Variants in ATRNL1 observed in about 807,000 individuals in gnomAD.
The protein encoded by ATRNL1 is attractin-like protein 1.
ATRNL1 carries 95 observed loss-of-function variants against 182.7 expected under a neutral mutation model. The observed-to-expected ratio is 0.52, with a 90% CI of 0.44 to 0.62. The LOEUF (loss-of-function observed/expected upper bound fraction) is 0.62, where lower values mean the gene tolerates loss of function less well. ATRNL1 is among the 20% of genes least tolerant of loss of function. ATRNL1 has a pLI of 0.00. For missense variants in ATRNL1, 1,471 were observed against 1,679.5 expected (o/e 0.88, Z 2.17); for synonymous variants, 576 against 568.3 (o/e 1.01, Z -0.19).
At chr10:115,519,826 G>A (rs1238467858) in intron 25 of ATRNL1, among the ~76,000 whole-genome samples, 3 of 152,162 alleles carry the variant, frequency 2.0e-5, no homozygotes, top group African/African-American at 7.2e-5. Context: ...ACTTCTCAAA[G>A]CTTTTAAAAT....
chr10:115,695,858 T>A (rs544127903), intron 26 of ATRNL1, among the ~76,000 whole-genome samples: 1 of 152,242 alleles, frequency 6.6e-6, no homozygotes, highest in African/African-American at 2.4e-5. Context: ...CTTATTCTAT[T>A]TTTATGGCTG....
chr10:115,440,178 C>T (rs1554965452), intron 21 of ATRNL1, among the ~76,000 whole-genome samples: 1 of 151,748 alleles, frequency 6.6e-6, no homozygotes. Context: ...TGAGTGCATC[C>T]TTATTTTCTA....
At chr10:115,665,811 C>T (rs1383439782) in intron 26 of ATRNL1, among the ~76,000 whole-genome samples, 2 of 152,214 alleles carry the variant, frequency 1.3e-5, no homozygotes, top group African/African-American at 4.8e-5. Flanking sequence ...AGCAGCCTCA[C>T]CCTATGACTA....
At chr10:115,847,091 G>A (rs947100529) in intron 27 of ATRNL1, among the ~76,000 whole-genome samples, 6 of 151,990 alleles carry the variant, frequency 3.9e-5, no homozygotes, top group African/African-American at 1.4e-4. Flanking sequence ...TGATTAGTAA[G>A]TAGGTATTTC....
rs782580582 is a variant in ATRNL1, at chr10:115,160,212, A to G, written c.1002A>G (p.Leu334=). The change falls in exon 6 of 29, where the codon CTA becomes CTG. Residue 334 remains leucine, a splice_region_variant and synonymous_variant. Coordinates refer to ENST00000355044, the MANE Select transcript of ATRNL1 (RefSeq NM_207303.4). Reference sequence around the variant, plus strand: ...ACTACAGTTCTTTTCAAATGGTCCTAAAGTAAGTATTTATTTTCAGATTCT... The same window carrying G: ...ACTACAGTTCTTTTCAAATGGTCCTGAAGTAAGTATTTATTTTCAGATTCT... ...TFNYSSFQMV[L]NYNLESSIWN... 4 of 1,596,350 alleles carry G rather than the reference A, an allele frequency of 2.5e-6. No individual in the cohort carries two copies. Among genetic ancestry groups the G allele is most frequent in the Non-Finnish European group, 3.4e-6 (4 of 1,170,572 alleles).
chr10:115,381,461 G>T (rs1237855373), intron 19 of ATRNL1, among the ~76,000 whole-genome samples: 1 of 38,784 alleles, frequency 2.6e-5, no homozygotes, highest in African/African-American at 1.1e-4. Context: ...GTAGACATGG[G>T]GTTTCTTCAC....
intron 27 of ATRNL1, among the ~76,000 whole-genome samples, chr10:115,740,324 T>C (rs940916623): frequency 4.6e-5 from 7 of 151,262 alleles, no homozygotes; most frequent in Non-Finnish European, 8.8e-5. Flanking sequence ...TATGTCTTTT[T>C]AAATTTGCTT....
chr10:115,696,721 A>G (rs1331294920), intron 26 of ATRNL1, among the ~76,000 whole-genome samples: 2 of 152,058 alleles, frequency 1.3e-5, no homozygotes, highest in African/African-American at 4.8e-5. Flanking sequence ...CCATTTTCAC[A>G]CTGCTATAAA....
chr10:115,239,167 G>C (rs1165823903), intron 9 of ATRNL1, among the ~76,000 whole-genome samples: 4 of 149,218 alleles, frequency 2.7e-5, no homozygotes, highest in African/African-American at 1.0e-4. Context: ...TTTATTTACT[G>C]TCCACTAGAT....
At chr10:115,334,682 A>C (rs1050068049) in intron 19 of ATRNL1, among the ~76,000 whole-genome samples, 1 of 152,194 alleles carries the variant, frequency 6.6e-6, no homozygotes, top group Non-Finnish European at 1.5e-5. Context: ...TAAAAGAAAA[A>C]ACACCTACTA....
chr10:115,791,479 CA>C (rs1173914210), intron 27 of ATRNL1, among the ~76,000 whole-genome samples: 1 of 152,112 alleles, frequency 6.6e-6, no homozygotes, highest in African/African-American at 2.4e-5. Flanking sequence ...ACCACTGTTT[CA>C]ACTTTTATGA....
intron 24 of ATRNL1, among the ~76,000 whole-genome samples, chr10:115,497,245 A>C (rs573368870): frequency 1.3e-5 from 2 of 152,172 alleles, no homozygotes; most frequent in African/African-American, 4.8e-5. Flanking sequence ...CGGCCATTTT[A>C]TCTATCGGCT....
At chr10:115,740,801 C>T (rs1252350005) in intron 27 of ATRNL1, among the ~76,000 whole-genome samples, 8 of 151,350 alleles carry the variant, frequency 5.3e-5, no homozygotes, top group Non-Finnish European at 5.9e-5. Context: ...CCACCACACC[C>T]GGCCAATCCT....
At chr10:115,907,114 G>A (rs1952527749) in intron 28 of ATRNL1, among the ~76,000 whole-genome samples, 1 of 152,134 alleles carries the variant, frequency 6.6e-6, no homozygotes, top group African/African-American at 2.4e-5. Context: ...AAGTGACCTG[G>A]CCACAGTTAC....
chr10:115,252,519 A>G (rs1429414436), intron 10 of ATRNL1, among the ~76,000 whole-genome samples: 5 of 152,224 alleles, frequency 3.3e-5, no homozygotes, highest in Non-Finnish European at 7.3e-5. Flanking sequence ...AAGCAAAGGC[A>G]GAGTGCTATC....
At chr10:115,869,286 C>A (rs1951520420) in intron 28 of ATRNL1, among the ~76,000 whole-genome samples, 1 of 152,090 alleles carries the variant, frequency 6.6e-6, no homozygotes, top group Non-Finnish European at 1.5e-5. Flanking sequence ...AATTTAAGGC[C>A]TCATAGTGGG....
chr10:115,886,469 G>A (rs1254837236), intron 28 of ATRNL1, among the ~76,000 whole-genome samples: 2 of 152,152 alleles, frequency 1.3e-5, no homozygotes, highest in Non-Finnish European at 2.9e-5. Flanking sequence ...AGCCAAGATC[G>A]CACCATTGCA....
Position 115,164,781 on chromosome 10 carries a change from T to A in ATRNL1, c.1005-777T>A, listed in dbSNP as rs148598773. Among the ~76,000 whole-genome samples the A allele has an allele frequency of 7.1e-3, 1,078 of 152,116 alleles. 12 individuals are homozygous for A. The highest frequency in any genetic ancestry group is 0.011 in the South Asian group (55 of 4,822). Reference sequence around the variant, plus strand: ...GTCAGAGCTATAAAAGTTGATTTCATATAGGTGGAGAGTAGAATGGTGGCT... The same window carrying A: ...GTCAGAGCTATAAAAGTTGATTTCAAATAGGTGGAGAGTAGAATGGTGGCT... On this transcript the variant is annotated intron_variant, in intron 6 of 28. Coordinates refer to ENST00000355044, the MANE Select transcript of ATRNL1 (RefSeq NM_207303.4).
At chr10:115,164,320 A>G (rs1237809352) in intron 6 of ATRNL1, among the ~76,000 whole-genome samples, 2 of 152,166 alleles carry the variant, frequency 1.3e-5, no homozygotes, top group Non-Finnish European at 2.9e-5. Flanking sequence ...TAAACAAGCT[A>G]TATTTGTGCA....
Sources: gnomAD v4.1 joint callset for allele counts (sites outside exome capture counted in the v4.1 genomes callset) on GRCh38, gnomAD v4.1.1 for gene constraint, MANE v1.5 for transcripts, NCBI Gene and HGNC (gene_info 2026-07-23, HGNC 2026-07-21) for gene names.